SALL3: variants seen among roughly 807,000 people sequenced by gnomAD.
SALL3 encodes the protein spalt like transcription factor 3, also known as sal-like protein 3.
A neutral mutation model predicts 66.2 loss-of-function variants in SALL3; 25 were observed. That is an observed-to-expected ratio of 0.38 (90% CI 0.28 to 0.53). The LOEUF (loss-of-function observed/expected upper bound fraction) is 0.53, where lower values mean the gene tolerates loss of function less well. SALL3 is among the 20% of genes least tolerant of loss of function. The probability of loss-of-function intolerance (pLI) is 0.85; values close to 1 mark genes in which losing one functional copy is unlikely to be tolerated. For missense variants in SALL3, 2,194 were observed against 1,916.5 expected (o/e 1.14, Z -2.70); for synonymous variants, 1,152 against 899.1 (o/e 1.28, Z -5.03).
Position 78,992,205 on chromosome 18 carries a change from A to G in SALL3, c.214A>G (p.Ser72Gly). The G allele has an allele frequency of 6.2e-7, 1 of 1,609,742 alleles. No individual in the cohort carries two copies. The change falls in exon 2 of 3, where the codon AGC (serine) becomes GGC (glycine). Residue 72 changes from serine to glycine, a missense_variant. Coordinates refer to ENST00000537592, the MANE Select transcript of SALL3 (RefSeq NM_171999.4). ...GGCGGACTTCCTGGAGCACCAGCGG[A>G]GCTGCACCAAGCTCCCGCCCGTGCT... ...KWADFLEHQR[S>G]CTKLPPVLIV...
chr18:78,984,308 A>G (rs546425574), intron 1 of SALL3, among the ~76,000 whole-genome samples: 58 of 152,248 alleles, frequency 3.8e-4, no homozygotes, highest in Non-Finnish European at 6.9e-4. Context: ...CATTCTTAAA[A>G]GTATTGGCAC....
chr18:78,990,095 C>G (rs928419112), intron 1 of SALL3, among the ~76,000 whole-genome samples: 4 of 152,110 alleles, frequency 2.6e-5, no homozygotes, highest in African/African-American at 9.7e-5. Flanking sequence ...ATTCCATAAC[C>G]TTTGCGGGTT....
chr18:78,995,494 C>T, intron 2 of SALL3, 32 bp downstream of exon 2: 1 of 1,497,428 alleles, frequency 6.7e-7, no homozygotes, highest in Non-Finnish European at 8.8e-7. Flanking sequence ...GCCCCGGCTG[C>T]GGTGCGGCCG....
In SALL3 at chr18:78,980,263, G is replaced by C; in HGVS notation, c.-12G>C. The C allele has an allele frequency of 7.8e-7, 1 of 1,278,994 alleles. No individual in the cohort carries two copies. The highest frequency in any genetic ancestry group is 1.7e-5 in the South Asian group (1 of 57,690). 79.2% of individuals were successfully genotyped at this position (1,278,994 alleles called of 1,614,324 possible). On this transcript the variant is annotated 5_prime_UTR_variant, in exon 1 of 3. Transcript: ENST00000537592. ...CCGCTGCCCCGCGCGGGGCCCGAGC[G>C]CCGCTAGCAGCATGTCTCGGCGCAA...
At chr18:78,987,365 ATATTT>A (rs1914279057) in intron 1 of SALL3, among the ~76,000 whole-genome samples, 1 of 152,178 alleles carries the variant, frequency 6.6e-6, no homozygotes, top group African/African-American at 2.4e-5. Flanking sequence ...CATTCTGTGT[ATATTT>A]TATTAGTTAG....
chr18:78,994,560 C>G lies in SALL3; in HGVS notation c.2569C>G (p.Gln857Glu). 6.2e-7 allele frequency: 1 copy of G among 1,612,076 alleles called. No homozygotes were observed. The highest frequency in any genetic ancestry group is 1.1e-5 in the South Asian group (1 of 91,070). Residue 857 changes from glutamine to glutamate, a missense_variant, in exon 2 of 3, where the codon CAG (glutamine) becomes GAG (glutamate). By Grantham distance (29) the Gln-to-Glu change is conservative. Coordinates refer to ENST00000537592, the MANE Select transcript of SALL3 (RefSeq NM_171999.4). ...MKMIDSVMSC[Q>E]QLTGLKSVEN... ...GATGATCGACTCGGTCATGAGCTGC[C>G]AGCAGCTGACCGGCCTCAAGTCCGT...
intron 1 of SALL3, among the ~76,000 whole-genome samples, chr18:78,990,630 G>A (rs969766673): frequency 5.3e-5 from 8 of 152,270 alleles, no homozygotes; most frequent in African/African-American, 1.4e-4. Context: ...TGCATTTGTT[G>A]ATGTTCTAAC....
At chr18:78,986,500 G>A (rs1330763527) in intron 1 of SALL3, among the ~76,000 whole-genome samples, 1 of 152,194 alleles carries the variant, frequency 6.6e-6, no homozygotes, top group Non-Finnish European at 1.5e-5. Context: ...TCACAGCTTG[G>A]GCTCAGTATG....
At chr18:78,980,614 C>T (rs1914008912) in intron 1 of SALL3, among the ~76,000 whole-genome samples, 1 of 151,738 alleles carries the variant, frequency 6.6e-6, no homozygotes, top group African/African-American at 2.4e-5. Flanking sequence ...CCGCGAAGGG[C>T]GCCGAGGCCG....
intron 1 of SALL3, among the ~76,000 whole-genome samples, chr18:78,983,164 CAG>C (rs1914131171): frequency 6.6e-6 from 1 of 152,178 alleles, no homozygotes; most frequent in South Asian, 2.1e-4. Context: ...ACATTCCTAA[CAG>C]AAATTGCTTT....
chr18:78,989,758 A>C (rs1914363684), intron 1 of SALL3, among the ~76,000 whole-genome samples: 1 of 152,208 alleles, frequency 6.6e-6, no homozygotes, highest in African/African-American at 2.4e-5. Flanking sequence ...GTTCCTTTTT[A>C]AAATATTTTG....
Position 78,994,214 on chromosome 18 carries a change from C to T in SALL3, c.2223C>T (p.Cys741=), listed in dbSNP as rs61743274. The T allele has an allele frequency of 6.7e-5, 108 of 1,613,612 alleles. No individual in the cohort carries two copies. The African/African-American group carries it at 1.0e-3, about 15-fold the overall frequency. ...CGCCCCTGCGCGTGCAGCACTCCTG[C>T]CCCATCTGCCAGAAGAAGTTCACCA... ...AKPPLRVQHS[C]PICQKKFTNA... is the part of the protein sequence containing the mutation. Residue 741 remains cysteine (C), a synonymous_variant, in exon 2 of 3, where the codon TGC becomes TGT. Coordinates refer to ENST00000537592, the MANE Select transcript of SALL3 (RefSeq NM_171999.4).
In SALL3 at chr18:78,994,361, G is replaced by T; in HGVS notation, c.2370G>T (p.Ala790=). 6.2e-7 allele frequency: 1 copy of T among 1,613,474 alleles called. No individual in the cohort carries two copies. The highest frequency in any genetic ancestry group is 8.5e-7 in the Non-Finnish European group (1 of 1,179,998). Reference sequence around the variant, plus strand: ...AGCTGGCCTACGACGACAAGAACGCGGAGACCCTGAGCAGCTACGATGACG... The same window carrying T: ...AGCTGGCCTACGACGACAAGAACGCTGAGACCCTGAGCAGCTACGATGACG... ...DSELAYDDKN[A]ETLSSYDDDM... The change falls in exon 2 of 3, where the codon GCG becomes GCT. Residue 790 remains alanine (A), a synonymous_variant. Coordinates refer to ENST00000537592, the MANE Select transcript of SALL3 (RefSeq NM_171999.4).
chr18:78,980,361 G>C lies in SALL3; in HGVS notation c.82+5G>C. ...CTGACGGGGCTCCCGAGCACGGTGA[G>C]GGCCGGGGCTGCGGGGTGGCCGGGG... is the stretch of plus-strand genomic sequence containing the variant. On this transcript the variant is annotated splice_donor_5th_base_variant and intron_variant, in intron 1 of 2. Coordinates refer to ENST00000537592, the MANE Select transcript of SALL3 (RefSeq NM_171999.4). 7.0e-7 allele frequency: 1 copy of C among 1,419,480 alleles called. No homozygotes were observed. Among genetic ancestry groups the C allele is most frequent in the Non-Finnish European group, 9.3e-7 (1 of 1,078,766 alleles). The allele number at this position is 1,419,480 out of a possible 1,614,324, so 87.9% of individuals were successfully genotyped here.
chr18:78,984,820 G>T (rs1914187147), intron 1 of SALL3, among the ~76,000 whole-genome samples: 1 of 152,166 alleles, frequency 6.6e-6, no homozygotes, highest in Non-Finnish European at 1.5e-5. Context: ...AAAGGGAGGC[G>T]TTCTCCAGAC....
Position 78,992,469 on chromosome 18 carries a change from G to T in SALL3, c.478G>T (p.Gly160Cys). 1 of 1,446,950 alleles carries T rather than the reference G, an allele frequency of 6.9e-7. No homozygotes were observed. The allele number at this position is 1,446,950 out of a possible 1,614,324, so 89.6% of individuals were successfully genotyped here. The change falls in exon 2 of 3, where the codon GGC becomes TGC. Residue 160 changes from glycine (G) to cysteine (C), a missense_variant. Gly to Cys is a radical substitution (Grantham distance 159). Coordinates refer to ENST00000537592, the MANE Select transcript of SALL3 (RefSeq NM_171999.4). ...AAPAPPTPAY[G>C]APSTNVTLEA... ...CCCTGCACCCCCAACGCCCGCCTACGGCGCGCCCAGCACCAACGTGACCCT... is the reference window on the plus strand; with the variant it reads ...CCCTGCACCCCCAACGCCCGCCTACTGCGCGCCCAGCACCAACGTGACCCT...
Position 78,993,234 on chromosome 18 carries a change from G to T in SALL3, c.1243G>T (p.Asp415Tyr). The change falls in exon 2 of 3, where the codon GAC becomes TAC. Residue 415 changes from aspartate to tyrosine, a missense_variant. By Grantham distance (160) the Asp-to-Tyr change is radical. Coordinates refer to ENST00000537592, the MANE Select transcript of SALL3 (RefSeq NM_171999.4). ...SVFEPKASAE[D>Y]PFFKHKCRFC... is the part of the protein sequence containing the mutation. ...GTTCGAGCCCAAAGCCAGCGCCGAGGACCCGTTCTTCAAGCACAAATGCCG... is the reference window on the plus strand; with the variant it reads ...GTTCGAGCCCAAAGCCAGCGCCGAGTACCCGTTCTTCAAGCACAAATGCCG... The T allele has an allele frequency of 6.2e-7, 1 of 1,611,106 alleles. No individual in the cohort carries two copies.
Position 78,993,118 on chromosome 18 carries a change from C to T in SALL3, c.1127C>T (p.Pro376Leu). ...TSASGVIFPNPLVSIAATANA... is the reference protein window; with the variant it reads ...TSASGVIFPNLLVSIAATANA... Reference sequence around the variant, plus strand: ...GCCAGCGGCGTCATCTTCCCCAACCCGCTGGTCAGCATCGCGGCCACGGCC... The same window carrying T: ...GCCAGCGGCGTCATCTTCCCCAACCTGCTGGTCAGCATCGCGGCCACGGCC... Residue 376 changes from proline (P) to leucine (L), a missense_variant, in exon 2 of 3, where the codon CCG (proline) becomes CTG (leucine). Coordinates refer to ENST00000537592, the MANE Select transcript of SALL3 (RefSeq NM_171999.4). 1.2e-6 allele frequency: 2 copies of T among 1,604,706 alleles called. No individual in the cohort carries two copies. Among genetic ancestry groups the T allele is most frequent in the Non-Finnish European group, 1.7e-6 (2 of 1,177,624 alleles).
At chr18:78,983,665 G>A (rs1232998147) in intron 1 of SALL3, among the ~76,000 whole-genome samples, 2 of 152,150 alleles carry the variant, frequency 1.3e-5, no homozygotes, top group African/African-American at 4.8e-5. Flanking sequence ...CTTGGCGCAG[G>A]ATCTTTTTCT....
Sources: gnomAD v4.1 joint callset for allele counts (sites outside exome capture counted in the v4.1 genomes callset) on GRCh38, gnomAD v4.1.1 for gene constraint, MANE v1.5 for transcripts, NCBI Gene and HGNC (gene_info 2026-07-23, HGNC 2026-07-21) for gene names.